The following HUWE1 variants were observed in gnomAD, a reference collection of about 807,000 sequenced individuals.
HUWE1 encodes the protein E3 ubiquitin-protein ligase HUWE1.
In HUWE1, 18 loss-of-function variants were observed where a neutral mutation model predicts 299.4. The observed-to-expected ratio is 0.06, with a 90% CI of 0.04 to 0.09. The LOEUF is 0.09. Ranked by LOEUF, HUWE1 falls within the 10% of genes least tolerant of loss-of-function variation. The pLI, the probability that HUWE1 is intolerant of heterozygous loss-of-function variation, is 1.00. For missense variants in HUWE1, 1,832 were observed against 3,462.3 expected (o/e 0.53, Z 11.82); for synonymous variants, 1,317 against 1,286.1 (o/e 1.02, Z -0.51).
intron 2 of HUWE1, among the ~76,000 whole-genome samples, chrX:53,685,806 T>G (rs782770039): frequency 8.9e-6 from 1 of 112,017 alleles, no homozygotes; most frequent in African/African-American, 3.2e-5. Context: ...CAGCGGTTAC[T>G]CTTCTAAGAA....
intron 3 of HUWE1, among the ~76,000 whole-genome samples, chrX:53,672,863 A>G (rs185220976): frequency 5.3e-4 from 60 of 112,162 alleles, no homozygotes; most frequent in African/African-American, 1.9e-3. Context: ...GCCTTCGAAG[A>G]AGATACTGCA....
intron 80 of HUWE1, 72 bp downstream of exon 80, chrX:53,536,075 G>T: frequency 1.5e-6 from 1 of 672,864 alleles, no homozygotes; most frequent in Non-Finnish European, 2.4e-6. Flanking sequence ...CGCAGTGCTA[G>T]TTCTAAGGTG....
At chrX:53,611,782 C>T (rs1404471891) in intron 23 of HUWE1, among the ~76,000 whole-genome samples, 1 of 108,333 alleles carries the variant, frequency 9.2e-6, no homozygotes, top group African/African-American at 3.4e-5. Flanking sequence ...TGCTTGAACT[C>T]GGGAGGCGGA....
intron 19 of HUWE1, among the ~76,000 whole-genome samples, chrX:53,622,958 T>A (rs1269696342): frequency 1.8e-5 from 2 of 111,932 alleles, no homozygotes; most frequent in African/African-American, 6.5e-5. Context: ...TTGTTCTCTC[T>A]CAAGTACAAG....
intron 21 of HUWE1, among the ~76,000 whole-genome samples, chrX:53,616,142 C>A (rs959101474): frequency 1.8e-5 from 2 of 110,070 alleles, no homozygotes; most frequent in Non-Finnish European, 1.9e-5. Flanking sequence ...AACTCCTGAG[C>A]TCAAGTGATC....
intron 43 of HUWE1, among the ~76,000 whole-genome samples, chrX:53,578,363 TC>T (rs2063313903): frequency 1.7e-5 from 1 of 60,565 alleles, no homozygotes; most frequent in African/African-American, 7.3e-5. Context: ...TGGGGGGGGG[TC>T]AGCCCCCCGC....
intron 2 of HUWE1, among the ~76,000 whole-genome samples, chrX:53,681,713 C>A (rs1385585058): frequency 8.9e-6 from 1 of 112,056 alleles, no homozygotes; most frequent in Non-Finnish European, 1.9e-5. Flanking sequence ...ATGAATACTT[C>A]AAAACTAGCT....
At position 53,542,446 on chromosome X, in the gene HUWE1, T is replaced by C. The variant is rs201536543; in HGVS notation, c.11473A>G (p.Ile3825Val). 64 of 1,167,022 alleles carry C rather than the reference T, an allele frequency of 5.5e-5. No homozygotes were observed. Among genetic ancestry groups the C allele is most frequent in the Admixed American group, 5.0e-4 (23 of 45,756 alleles). Residue 3825 changes from isoleucine to valine, a missense_variant, in exon 74 of 84, where the codon ATT (isoleucine) becomes GTT (valine). Transcript: ENST00000262854. ...GGAAACAGGAAGTAGTACTGACCAA[T>C]GGATTGAGTATCTTGAGCACTGGGA... ...PSPSAQDTQS[I>V]ASDGTPQGEK...
In HUWE1 at chrX:53,552,683, C is replaced by T; in HGVS notation, c.8705G>A (p.Gly2902Asp). The T allele has an allele frequency of 8.3e-7, 1 of 1,211,989 alleles. No individual in the cohort carries two copies. Among genetic ancestry groups the T allele is most frequent in the African/African-American group, 1.7e-5 (1 of 57,860 alleles). The change falls in exon 62 of 84, where the codon GGC (glycine) becomes GAC (aspartate). Residue 2902 changes from glycine to aspartate, a missense_variant. Physicochemically the swap from Gly to Asp is moderately conservative, Grantham distance 94. Around this residue, in one of 15 missense-constraint regions of HUWE1, gnomAD observed 143 missense variants for 148.1 expected, o/e 0.97. Coordinates refer to ENST00000262854, the MANE Select transcript of HUWE1 (RefSeq NM_031407.7). Reference sequence around the variant, plus strand: ...AGATTCCCCTGACCCATCACTCCTGCCTTGCACTTCCGCCACAGCTGGTGG... The same window carrying T: ...AGATTCCCCTGACCCATCACTCCTGTCTTGCACTTCCGCCACAGCTGGTGG... ...DAPPAVAEVQ[G>D]RSDGSGESAQ...
intron 43 of HUWE1, among the ~76,000 whole-genome samples, chrX:53,580,586 C>G (rs1166418028): frequency 1.8e-5 from 2 of 112,043 alleles, no homozygotes; most frequent in African/African-American, 6.5e-5. Flanking sequence ...CCAAAATGAG[C>G]TCTTTGAAGT....
At chrX:53,684,117 A>C in intron 2 of HUWE1, 1 of 242,485 alleles carries the variant, frequency 4.1e-6, no homozygotes. Context: ...GCTTCACCCT[A>C]CGCGAAGCGA....
rs1376631053 is a variant in HUWE1 at position 53,680,190 on chromosome X, CA to C, written c.-162-5del. ...TCAGGTCAGGCTGCTGGAGGACCTA[CA>C]AAAAAAAAGTTGGGGGAGAGGAGTG... is the stretch of plus-strand genomic sequence containing the variant. On this transcript the variant is annotated splice_polypyrimidine_tract_variant and splice_region_variant and intron_variant, in intron 2 of 83. Coordinates refer to ENST00000262854, the MANE Select transcript of HUWE1 (RefSeq NM_031407.7). 11 of 286,703 alleles carry C rather than the reference CA, an allele frequency of 3.8e-5. No individual in the cohort carries two copies. Among genetic ancestry groups the C allele is most frequent in the African/African-American group, 5.6e-5 (2 of 35,602 alleles). 23.6% of individuals were successfully genotyped at this position (286,703 alleles called of 1,213,427 possible).
chrX:53,571,236 A>G (rs2062812654), intron 47 of HUWE1, among the ~76,000 whole-genome samples: 1 of 112,497 alleles, frequency 8.9e-6, no homozygotes, highest in South Asian at 3.7e-4. Context: ...GATACTTAAT[A>G]AATTTGTAAT....
In HUWE1 at chrX:53,600,326, G is replaced by A. The variant is rs1556989125; in HGVS notation, c.2972-17C>T. On this transcript the variant is annotated splice_polypyrimidine_tract_variant and intron_variant, in intron 28 of 83. Coordinates refer to ENST00000262854, the MANE Select transcript of HUWE1 (RefSeq NM_031407.7). ...GTTCCCCATCTACAGATGTATAAGA[G>A]GGGAGCAATAGGACAATGTAGAGCC... 2 of 1,141,036 alleles carry A rather than the reference G, an allele frequency of 1.8e-6. No homozygotes were observed. Among genetic ancestry groups the A allele is most frequent in the East Asian group, 6.1e-5 (2 of 32,723 alleles). The allele number at this position is 1,141,036 out of a possible 1,213,427, so 94.0% of individuals were successfully genotyped here.
At chrX:53,612,167 T>G (rs2065520822) in intron 23 of HUWE1, among the ~76,000 whole-genome samples, 1 of 112,097 alleles carries the variant, frequency 8.9e-6, no homozygotes. Context: ...TTAGACAGTC[T>G]CTTGCTTTTT....
intron 36 of HUWE1, 139 bp downstream of exon 36, chrX:53,589,408 C>T (rs1435242049): frequency 4.9e-6 from 3 of 607,574 alleles, no homozygotes; most frequent in African/African-American, 4.4e-5. Context: ...TTCAGGATTA[C>T]CAGATCGAAA....
chrX:53,618,303 T>C (rs1302687012), intron 19 of HUWE1, among the ~76,000 whole-genome samples: 3 of 109,924 alleles, frequency 2.7e-5, no homozygotes, highest in African/African-American at 9.9e-5. Context: ...TAATATACAT[T>C]AGGAATGAGA....
rs1602589671 is a variant in HUWE1 at position 53,551,436 on chromosome X, G to A, written c.8926C>T (p.Leu2976=). 7 of 1,206,253 alleles carry A rather than the reference G, an allele frequency of 5.8e-6. No homozygotes were observed. The South Asian group carries it at 8.9e-5, about 15-fold the overall frequency. The change falls in exon 64 of 84, where the codon CTG becomes TTG. Residue 2976 remains leucine, a synonymous_variant. Transcript: ENST00000262854. ...EGVDPSFLAA[L]PDDIRREVLQ... The stretch of plus-strand genomic sequence containing the variant: ...ACTTCCCGACGGATGTCATCAGGCA[G>A]GGCAGCCAGAAAAGAGGGGTCCACA...
chrX:53,562,222 A>G lies in HUWE1; in HGVS notation c.7227T>C (p.Pro2409=), dbSNP rs1556941912. ...NREDSMNILD[P]EDEEEHTQEE... ...CCTGAGTGTGCTCCTCCTCATCCTC[A>G]GGGTCCAGGATATTCATGGAATCTA... is the stretch of plus-strand genomic sequence containing the variant. Residue 2409 remains proline, a synonymous_variant, in exon 54 of 84, where the codon CCT becomes CCC. Coordinates refer to ENST00000262854, the MANE Select transcript of HUWE1 (RefSeq NM_031407.7). The G allele has an allele frequency of 8.3e-7, 1 of 1,207,788 alleles. No homozygotes were observed. The highest frequency in any genetic ancestry group is 1.1e-6 in the Non-Finnish European group (1 of 892,201).
Sources: gnomAD v4.1 joint callset for allele counts (sites outside exome capture counted in the v4.1 genomes callset) on GRCh38, gnomAD v4.1.1 for gene constraint, gnomAD v4.1.1 regional missense constraint, MANE v1.5 for transcripts, NCBI Gene and HGNC (gene_info 2026-07-23, HGNC 2026-07-21) for gene names.